Variants in DAPK2 observed in about 807,000 individuals in gnomAD.
DAPK2 encodes death-associated protein kinase 2.
In DAPK2, 35 loss-of-function variants were observed where a neutral mutation model predicts 44.1. That is an observed-to-expected ratio of 0.79 (90% CI 0.61 to 1.05). The LOEUF is 1.05. DAPK2 is among the 50% of genes least tolerant of loss of function. The probability of loss-of-function intolerance (pLI) is 0.00; values close to 1 mark genes in which losing one functional copy is unlikely to be tolerated. For synonymous variants in DAPK2, 174 were observed against 182.6 expected, an observed-to-expected ratio of 0.95 and a Z score of 0.38; for missense variants, 453 against 483.2, an observed-to-expected ratio of 0.94 and a Z score of 0.59.
chr15:63,948,874 CCA>C (rs1159685944), intron 3 of DAPK2, among the ~76,000 whole-genome samples: 2 of 152,132 alleles, frequency 1.3e-5, no homozygotes, highest in Admixed American at 6.6e-5. Flanking sequence ...AAAACTGACC[CCA>C]GTTTTACAGA....
At position 63,945,480 on chromosome 15, in the gene DAPK2, T is replaced by C. The variant is rs888903258; in HGVS notation, c.454-6119A>G. On this transcript the variant is annotated intron_variant, in intron 3 of 10. Coordinates refer to ENST00000261891, the Ensembl canonical transcript of DAPK2. Reference sequence around the variant, plus strand: ...GGGGCTCCAGAGTGCATTCCTCCTATAGGGCTGTGATGCGGATGGAGCAGG... The same window carrying C: ...GGGGCTCCAGAGTGCATTCCTCCTACAGGGCTGTGATGCGGATGGAGCAGG... Among the ~76,000 whole-genome samples, 3 of 152,224 alleles carry C rather than the reference T, an allele frequency of 2.0e-5. No homozygotes were observed. The East Asian group carries it at 5.8e-4, about 29-fold the overall frequency.
intron 1 of DAPK2, among the ~76,000 whole-genome samples, chr15:64,018,377 A>G (rs529569272): frequency 4.9e-4 from 75 of 152,346 alleles, no homozygotes; most frequent in African/African-American, 1.7e-3. Flanking sequence ...ACCCAGCGAA[A>G]AAGCTAAACA....
chr15:63,927,213 G>A (rs1007638640), intron 6 of DAPK2, among the ~76,000 whole-genome samples: 4 of 152,144 alleles, frequency 2.6e-5, no homozygotes, highest in African/African-American at 9.7e-5. Context: ...TATTGTCATT[G>A]TGAGAACACA....
At chr15:63,957,395 T>C (rs1430473074) in intron 3 of DAPK2, among the ~76,000 whole-genome samples, 1 of 152,114 alleles carries the variant, frequency 6.6e-6, no homozygotes, top group Non-Finnish European at 1.5e-5. Flanking sequence ...CTAGGGTACA[T>C]GGGCACAACG....
intron 3 of DAPK2, among the ~76,000 whole-genome samples, chr15:63,941,771 G>A (rs1041553164): frequency 1.3e-5 from 2 of 152,110 alleles, no homozygotes; most frequent in African/African-American, 4.8e-5. Context: ...CCCTAAGGCT[G>A]TACAGAAAGG....
Position 63,912,193 on chromosome 15 carries a change from A to G in DAPK2, c.863T>C (p.Val288Ala), listed in dbSNP as rs1458281547. 1.9e-6 allele frequency: 3 copies of G among 1,613,620 alleles called. No homozygotes were observed. In the Admixed American group the frequency reaches 5.0e-5, roughly 27 times the overall value. The change falls in exon 9 of 11, where the codon GTG (valine) becomes GCG (alanine). Residue 288 changes from valine to alanine, a missense_variant. Val to Ala is a moderately conservative substitution (Grantham distance 64). Transcript: ENST00000261891. This position sits in a 1 kb window ranked among gnomAD's most constrained non-coding sequence, Gnocchi z 4.4. The stretch of plus-strand genomic sequence containing the variant: ...GCGCACCATGGCTTGCTGGTTGTCC[A>G]CCGGCTGAGAGACAAAGCAGAGCAT...
intron 1 of DAPK2, among the ~76,000 whole-genome samples, chr15:64,034,488 C>A (rs2080119712): frequency 1.3e-5 from 2 of 152,166 alleles, no homozygotes; most frequent in South Asian, 4.1e-4. Context: ...GGGTGTCTGG[C>A]AGGGTGTCTT....
intron 1 of DAPK2, among the ~76,000 whole-genome samples, chr15:64,023,436 G>C (rs1269466527): frequency 1.3e-5 from 2 of 152,230 alleles, no homozygotes; most frequent in African/African-American, 4.8e-5. Flanking sequence ...GGTGGGGGAA[G>C]GGCAGATCCC....
chr15:64,032,028 C>T (rs2080030688), intron 1 of DAPK2, among the ~76,000 whole-genome samples: 1 of 152,150 alleles, frequency 6.6e-6, no homozygotes, highest in Non-Finnish European at 1.5e-5. Context: ...AGATGCTCTG[C>T]AGTTAACTTA....
At chr15:63,978,801 G>C (rs1171247777) in intron 2 of DAPK2, among the ~76,000 whole-genome samples, 1 of 152,130 alleles carries the variant, frequency 6.6e-6, no homozygotes, top group African/African-American at 2.4e-5. Flanking sequence ...CTCACGACCT[G>C]GCCTCATCTC....
chr15:63,913,866 A>G (rs1202228997), intron 8 of DAPK2, among the ~76,000 whole-genome samples: 1 of 152,208 alleles, frequency 6.6e-6, no homozygotes, highest in Admixed American at 6.5e-5. Context: ...AGGCACATGT[A>G]TGCTCCTTTA....
intron 3 of DAPK2, among the ~76,000 whole-genome samples, chr15:63,970,991 C>T (rs2078196300): frequency 6.6e-6 from 1 of 152,162 alleles, no homozygotes; most frequent in South Asian, 2.1e-4. Flanking sequence ...AAGCTCTGGT[C>T]AAGGGATGAT....
intron 1 of DAPK2, among the ~76,000 whole-genome samples, chr15:64,024,772 C>G (rs554938850): frequency 2.4e-4 from 36 of 152,320 alleles, no homozygotes; most frequent in African/African-American, 8.4e-4. Flanking sequence ...AGAGCCACAC[C>G]ACAGCCCTGA....
intron 8 of DAPK2, among the ~76,000 whole-genome samples, chr15:63,914,774 T>C (rs530791318): frequency 1.3e-5 from 2 of 152,344 alleles, no homozygotes; most frequent in South Asian, 2.1e-4. Flanking sequence ...CTCTCTCCTA[T>C]ACTCACTTTA....
At chr15:63,955,649 C>A (rs914459968) in intron 3 of DAPK2, among the ~76,000 whole-genome samples, 1 of 152,098 alleles carries the variant, frequency 6.6e-6, no homozygotes, top group Non-Finnish European at 1.5e-5. Flanking sequence ...GCTCACGTGG[C>A]CTCTGCCTCC....
rs143105528 is a variant in DAPK2, at chr15:63,953,657, G to T, written c.454-14296C>A. Among the ~76,000 whole-genome samples the T allele has an allele frequency of 6.8e-3, 1,031 of 152,214 alleles. 12 individuals carry two copies. The highest frequency in any genetic ancestry group is 0.023 in the African/African-American group (976 of 41,536). ...TATCTAGCAGTGGGATTGCTGGATC[G>T]TTATGTTAGTTCTATTTTTAGTTTT... On this transcript the variant is annotated intron_variant, in intron 3 of 10. Coordinates refer to ENST00000261891, the Ensembl canonical transcript of DAPK2.
intron 1 of DAPK2, among the ~76,000 whole-genome samples, chr15:63,995,183 G>T (rs1476771721): frequency 4.6e-5 from 7 of 151,860 alleles, no homozygotes; most frequent in African/African-American, 1.7e-4. Context: ...GGTTGTTGTT[G>T]TTGTTGTTTT....
rs185037574 is a variant in DAPK2, at chr15:63,912,583, G to A, written c.859-386C>T. Among the ~76,000 whole-genome samples the A allele has an allele frequency of 2.7e-4, 41 of 152,346 alleles. No homozygotes were observed. The highest frequency in any genetic ancestry group is 9.6e-4 in the African/African-American group (40 of 41,578). On this transcript the variant is annotated intron_variant, in intron 8 of 10. Coordinates refer to ENST00000261891, the Ensembl canonical transcript of DAPK2. This position sits in a 1 kb window ranked among gnomAD's most constrained non-coding sequence, Gnocchi z 4.4. ...CTGGGCTTGGCAAAACAAATGCCTT[G>A]TTGGTAGACGGGGAATTCATACTCC...
At chr15:64,012,150 C>A (rs2079405463) in intron 1 of DAPK2, among the ~76,000 whole-genome samples, 1 of 152,118 alleles carries the variant, frequency 6.6e-6, no homozygotes, top group African/African-American at 2.4e-5. Context: ...CTGTCACTAC[C>A]CCTCACTGCT....
Sources: allele counts gnomAD v4.1 joint callset (sites outside exome capture counted in the v4.1 genomes callset), GRCh38; gene constraint gnomAD v4.1.1; non-coding constraint Gnocchi (gnomAD v3.1); transcripts MANE v1.5; gene names NCBI Gene and HGNC (gene_info 2026-07-23, HGNC 2026-07-21).